The following ACBD6 variants were observed in gnomAD, a reference collection of about 807,000 sequenced individuals.
ACBD6 encodes acyl-CoA binding domain containing 6.
Under a neutral mutation model 37.2 loss-of-function variants are expected in ACBD6, and 28 were observed. That is an observed-to-expected ratio of 0.75 (90% CI 0.56 to 1.03). The LOEUF (loss-of-function observed/expected upper bound fraction) is 1.03, where lower values mean the gene tolerates loss of function less well. Ranked by LOEUF, ACBD6 falls within the 50% of genes least tolerant of loss-of-function variation. The pLI, the probability that ACBD6 is intolerant of heterozygous loss-of-function variation, is 0.00. For synonymous variants in ACBD6, 113 were observed against 126.8 expected, an observed-to-expected ratio of 0.89 and a Z score of 0.73; for missense variants, 340 against 337.4, an observed-to-expected ratio of 1.01 and a Z score of -0.06.
chr1:180,344,514 T>C (rs1350865706), intron 6 of ACBD6, among the ~76,000 whole-genome samples: 3 of 152,228 alleles, frequency 2.0e-5, no homozygotes, highest in Non-Finnish European at 4.4e-5. Flanking sequence ...AATGTAACTG[T>C]TCAGCTAACT....
At chr1:180,359,607 T>C (rs949046403) in intron 6 of ACBD6, among the ~76,000 whole-genome samples, 2 of 152,200 alleles carry the variant, frequency 1.3e-5, no homozygotes, top group African/African-American at 4.8e-5. Flanking sequence ...CATTTAGACA[T>C]TTAGAAGATA....
chr1:180,402,802 GA>G (rs60336213), intron 5 of ACBD6, among the ~76,000 whole-genome samples: 94 of 140,468 alleles, frequency 6.7e-4, no homozygotes, highest in Middle Eastern at 3.5e-3. Context: ...TGTCTCAAAA[GA>G]AAAAAAAAAA....
chr1:180,417,213 T>G (rs1290925791), intron 4 of ACBD6, among the ~76,000 whole-genome samples: 1 of 152,194 alleles, frequency 6.6e-6, no homozygotes, highest in Non-Finnish European at 1.5e-5. Flanking sequence ...TAGATAAATG[T>G]ATTCTTTACT....
At chr1:180,350,681 A>G (rs571096278) in intron 6 of ACBD6, among the ~76,000 whole-genome samples, 4 of 152,210 alleles carry the variant, frequency 2.6e-5, no homozygotes, top group Middle Eastern at 3.4e-3. Context: ...ACACCTCAGC[A>G]TCCTTCAAAT....
At chr1:180,450,757 A>G (rs1008055554) in intron 3 of ACBD6, among the ~76,000 whole-genome samples, 1 of 152,140 alleles carries the variant, frequency 6.6e-6, no homozygotes, top group African/African-American at 2.4e-5. Context: ...GACTCTGTCA[A>G]AAAAACAAAA....
intron 6 of ACBD6, among the ~76,000 whole-genome samples, chr1:180,328,974 T>G (rs1651368511): frequency 6.6e-6 from 1 of 152,302 alleles, no homozygotes; most frequent in East Asian, 1.9e-4. Context: ...TATATATCAG[T>G]AGATTTTTCA....
At chr1:180,469,052 C>T (rs1347223239) in intron 3 of ACBD6, among the ~76,000 whole-genome samples, 1 of 152,128 alleles carries the variant, frequency 6.6e-6, no homozygotes, top group Non-Finnish European at 1.5e-5. Flanking sequence ...AGGGTTTTGA[C>T]CATAAGATAA....
At chr1:180,421,466 T>C (rs534487454) in intron 4 of ACBD6, among the ~76,000 whole-genome samples, 2 of 152,352 alleles carry the variant, frequency 1.3e-5, no homozygotes, top group East Asian at 3.9e-4. Flanking sequence ...AACATATGCA[T>C]GCACGTAACT....
At chr1:180,364,228 T>A (rs541551522) in intron 6 of ACBD6, among the ~76,000 whole-genome samples, 70 of 152,342 alleles carry the variant, frequency 4.6e-4, no homozygotes, top group Non-Finnish European at 9.4e-4. Context: ...ATTTTACAAA[T>A]AAGCTACACT....
rs140776233 is a variant in ACBD6 at position 180,384,972 on chromosome 1, TAGA to T, written c.663+12541_663+12543del. ...AAGTTGATCTCATGAAGGTAGTGGG[TAGA>T]AGGACTGATACCAGAGGCTGGAAAA... On this transcript the variant is annotated intron_variant, in intron 6 of 7. Coordinates refer to ENST00000367595, the MANE Select transcript of ACBD6 (RefSeq NM_032360.4). 6.7e-3 allele frequency among the ~76,000 whole-genome samples: 1,014 copies of T among 152,200 alleles called. 17 individuals are homozygous for T. Among genetic ancestry groups the T allele is most frequent in the African/African-American group, 0.023 (968 of 41,520 alleles).
chr1:180,352,491 A>AT (rs1299843214), intron 6 of ACBD6, among the ~76,000 whole-genome samples: 1 of 152,008 alleles, frequency 6.6e-6, no homozygotes, highest in Admixed American at 6.5e-5. Flanking sequence ...ACCCAGCCAT[A>AT]TTTTTTATAG....
At chr1:180,470,396 T>A (rs1650517738) in intron 3 of ACBD6, among the ~76,000 whole-genome samples, 1 of 152,212 alleles carries the variant, frequency 6.6e-6, no homozygotes, top group African/African-American at 2.4e-5. Flanking sequence ...ATTACAACCA[T>A]GTACCAGAAT....
chr1:180,366,242 T>C (rs1246011913), intron 6 of ACBD6, among the ~76,000 whole-genome samples: 1 of 152,164 alleles, frequency 6.6e-6, no homozygotes, highest in East Asian at 1.9e-4. Flanking sequence ...TGCCTGACAT[T>C]TTAAAAATTG....
chr1:180,475,274 C>T (rs1004621279), intron 3 of ACBD6, among the ~76,000 whole-genome samples: 39 of 152,250 alleles, frequency 2.6e-4, no homozygotes, highest in African/African-American at 8.9e-4. Context: ...TCCACCATCT[C>T]GGAAAGTTTC....
intron 6 of ACBD6, among the ~76,000 whole-genome samples, chr1:180,333,295 C>T (rs1651559798): frequency 6.6e-6 from 1 of 151,194 alleles, no homozygotes; most frequent in South Asian, 2.1e-4. Context: ...TCTTTAATAC[C>T]TGGTTAAATA....
Position 180,290,559 on chromosome 1 carries a change from A to T in ACBD6, c.695-2042T>A, listed in dbSNP as rs148931137. Among the ~76,000 whole-genome samples, 65 of 152,370 alleles carry T rather than the reference A, an allele frequency of 4.3e-4. 2 individuals carry two copies. In the East Asian group the frequency reaches 0.011, roughly 26 times the overall value. On this transcript the variant is annotated intron_variant, in intron 7 of 7. Coordinates refer to ENST00000367595, the MANE Select transcript of ACBD6 (RefSeq NM_032360.4). Reference sequence around the variant, plus strand: ...TTCCTGCTATTCAGAATGGATTGTAAATATGTAAACAACCAATTCTAACAC... The same window carrying T: ...TTCCTGCTATTCAGAATGGATTGTATATATGTAAACAACCAATTCTAACAC...
At chr1:180,351,833 A>G (rs926315406) in intron 6 of ACBD6, among the ~76,000 whole-genome samples, 3 of 152,212 alleles carry the variant, frequency 2.0e-5, no homozygotes, top group Non-Finnish European at 4.4e-5. Context: ...GGACTTGAAC[A>G]GGTATTTTTA....
Position 180,426,946 on chromosome 1 carries a change from A to G in ACBD6, c.467+3234T>C, listed in dbSNP as rs1178097057. Among the ~76,000 whole-genome samples the G allele has an allele frequency of 7.2e-5, 11 of 152,144 alleles. 1 individual carries two copies. Among genetic ancestry groups the G allele is most frequent in the Non-Finnish European group, 8.8e-5 (6 of 68,012 alleles). On this transcript the variant is annotated intron_variant, in intron 4 of 7. Transcript: ENST00000367595. ...TTTTGTACTTAATTAGAATCCCCCT[A>G]CACCCCCTCAATTATATTACAGAAC...
At chr1:180,335,445 A>C (rs1311813995) in intron 6 of ACBD6, among the ~76,000 whole-genome samples, 2 of 152,162 alleles carry the variant, frequency 1.3e-5, no homozygotes, top group Non-Finnish European at 2.9e-5. Flanking sequence ...AAAATCCTTT[A>C]CAGACAAGCA....
Sources: allele counts gnomAD v4.1 joint callset (sites outside exome capture counted in the v4.1 genomes callset), GRCh38; gene constraint gnomAD v4.1.1; transcripts MANE v1.5; gene names NCBI Gene and HGNC (gene_info 2026-07-23, HGNC 2026-07-21).